Variants in PXDNL observed in about 807,000 individuals in gnomAD.
The protein encoded by PXDNL is probable oxidoreductase PXDNL.
In PXDNL, 145 loss-of-function variants were observed where a neutral mutation model predicts 150.8. The ratio of observed to expected loss-of-function variants is 0.96; its 90% CI spans 0.84 to 1.10. PXDNL has a LOEUF of 1.10. Ranked by LOEUF, PXDNL falls within the 50% of genes least tolerant of loss-of-function variation. PXDNL has a pLI of 0.00. For synonymous variants in PXDNL, 757 were observed against 725.7 expected, an observed-to-expected ratio of 1.04 and a Z score of -0.69; for missense variants, 2,087 against 1,873.9, an observed-to-expected ratio of 1.11 and a Z score of -2.10.
intron 1 of PXDNL, among the ~76,000 whole-genome samples, chr8:51,777,164 T>C (rs1184842925): frequency 6.6e-6 from 1 of 152,186 alleles, no homozygotes; most frequent in African/African-American, 2.4e-5. Context: ...CTGTTAAATA[T>C]CACTGCTTCC....
intron 3 of PXDNL, among the ~76,000 whole-genome samples, chr8:51,570,716 T>C (rs1196301260): frequency 6.6e-6 from 1 of 151,926 alleles, no homozygotes; most frequent in Non-Finnish European, 1.5e-5. Flanking sequence ...ACTTATAATG[T>C]TACATTTTGC....
At chr8:51,516,030 C>A (rs569401601) in intron 4 of PXDNL, among the ~76,000 whole-genome samples, 6 of 152,102 alleles carry the variant, frequency 3.9e-5, no homozygotes, top group Admixed American at 2.6e-4. Flanking sequence ...TATAAGAAGA[C>A]ATATTTTCAA....
chr8:51,685,041 G>A (rs1474023002), intron 1 of PXDNL, among the ~76,000 whole-genome samples: 2 of 152,156 alleles, frequency 1.3e-5, no homozygotes, highest in Non-Finnish European at 2.9e-5. Context: ...ATTGTAGGCA[G>A]GCACTCAGTG....
intron 1 of PXDNL, among the ~76,000 whole-genome samples, chr8:51,804,251 T>C (rs1563326152): frequency 6.6e-6 from 1 of 152,184 alleles, no homozygotes; most frequent in Non-Finnish European, 1.5e-5. Context: ...TTCTTTTGAG[T>C]TTCTGATTAG....
At chr8:51,390,873 G>C (rs900702139) in intron 17 of PXDNL, among the ~76,000 whole-genome samples, 3 of 151,784 alleles carry the variant, frequency 2.0e-5, no homozygotes, top group African/African-American at 7.3e-5. Context: ...TTAGGTATAT[G>C]TCCTAATGCT....
intron 3 of PXDNL, 122 bp downstream of exon 3, chr8:51,592,505 A>G (rs1367452174): frequency 3.2e-6 from 2 of 630,080 alleles, no homozygotes; most frequent in East Asian, 5.9e-5. Context: ...AGTTTTATAT[A>G]AAGGTTGAAA....
chr8:51,565,341 G>GATAGATAGATAGATAGATAA (rs1812803026), intron 3 of PXDNL, among the ~76,000 whole-genome samples: 1 of 142,548 alleles, frequency 7.0e-6, no homozygotes, highest in African/African-American at 2.6e-5. Context: ...TAGATAGATA[G>GATAGATAGATAGATAGATAA]ATAAATAAAT....
chr8:51,752,350 C>A (rs1421720334), intron 1 of PXDNL, among the ~76,000 whole-genome samples: 3 of 152,030 alleles, frequency 2.0e-5, no homozygotes, highest in Admixed American at 1.3e-4. Context: ...TAAATGGGTC[C>A]TGTTAAGAAT....
intron 8 of PXDNL, among the ~76,000 whole-genome samples, chr8:51,465,885 A>G (rs962642212): frequency 2.2e-4 from 34 of 152,178 alleles, no homozygotes; most frequent in Non-Finnish European, 5.9e-5. Flanking sequence ...CATTGTTGAA[A>G]GAAACCACAG....
chr8:51,389,293 C>A (rs1231515159), intron 17 of PXDNL, among the ~76,000 whole-genome samples: 1 of 152,168 alleles, frequency 6.6e-6, no homozygotes, highest in Non-Finnish European at 1.5e-5. Flanking sequence ...TTCTTTCCAG[C>A]ACCATGATGT....
In PXDNL at chr8:51,387,622, T is replaced by C. The variant is rs72638111; in HGVS notation, c.3558-12891A>G. Among the ~76,000 whole-genome samples, 537 of 152,312 alleles carry C rather than the reference T, an allele frequency of 3.5e-3. 3 individuals are homozygous for C. The highest frequency in any genetic ancestry group is 6.6e-3 in the Non-Finnish European group (449 of 68,022). ...AGTTGCATACCTTTTATTAAGGAAA[T>C]AGGTGGAATAAAGTAGATATAATAC... On this transcript the variant is annotated intron_variant, in intron 17 of 22. Transcript: ENST00000356297.
At chr8:51,445,266 C>G (rs917761256) in intron 12 of PXDNL, among the ~76,000 whole-genome samples, 1 of 152,148 alleles carries the variant, frequency 6.6e-6, no homozygotes, top group African/African-American at 2.4e-5. Context: ...TCAAGACTTT[C>G]AATAGTTCTA....
chr8:51,606,284 T>G (rs539322659), intron 2 of PXDNL, among the ~76,000 whole-genome samples: 1 of 152,330 alleles, frequency 6.6e-6, no homozygotes, highest in African/African-American at 2.4e-5. Flanking sequence ...TGTTTTGGCT[T>G]TTATGATAAC....
At chr8:51,351,154 G>A (rs1244470018) in intron 19 of PXDNL, among the ~76,000 whole-genome samples, 1 of 152,164 alleles carries the variant, frequency 6.6e-6, no homozygotes, top group Non-Finnish European at 1.5e-5. Flanking sequence ...TACTACAAAT[G>A]CAATGGCTTA....
At chr8:51,471,538 G>A (rs201122220) in intron 8 of PXDNL, among the ~76,000 whole-genome samples, 5,983 of 152,164 alleles carry the variant, frequency 0.039, 265 homozygotes, top group East Asian at 0.25. Flanking sequence ...GTTTAAATCT[G>A]AAACAACTTA....
intron 1 of PXDNL, among the ~76,000 whole-genome samples, chr8:51,769,281 A>T (rs1022459642): frequency 2.0e-5 from 3 of 152,174 alleles, no homozygotes; most frequent in African/African-American, 7.2e-5. Context: ...TCAGATGAAG[A>T]CTCAGCCAGC....
At chr8:51,507,419 A>G (rs1241025061) in intron 4 of PXDNL, among the ~76,000 whole-genome samples, 3 of 152,232 alleles carry the variant, frequency 2.0e-5, no homozygotes, top group African/African-American at 7.2e-5. Flanking sequence ...TAAGGAGCTG[A>G]GCGGGACAGA....
intron 1 of PXDNL, among the ~76,000 whole-genome samples, chr8:51,717,563 T>A (rs1166477403): frequency 6.6e-6 from 1 of 152,198 alleles, no homozygotes; most frequent in Non-Finnish European, 1.5e-5. Context: ...TTGCAGGATC[T>A]GAGAAGCCCC....
At chr8:51,503,723 G>A (rs1811231833) in intron 4 of PXDNL, among the ~76,000 whole-genome samples, 1 of 152,084 alleles carries the variant, frequency 6.6e-6, no homozygotes, top group Non-Finnish European at 1.5e-5. Context: ...TTTAAAGCAG[G>A]CAGGAAATTA....
Sources: allele counts gnomAD v4.1 joint callset (sites outside exome capture counted in the v4.1 genomes callset), GRCh38; gene constraint gnomAD v4.1.1; transcripts MANE v1.5; gene names NCBI Gene and HGNC (gene_info 2026-07-23, HGNC 2026-07-21).